SLIT1: variants seen among roughly 807,000 people sequenced by gnomAD.
SLIT1 encodes the protein slit guidance ligand 1, also known as slit homolog 1 protein.
Under a neutral mutation model 186.1 loss-of-function variants are expected in SLIT1, and 66 were observed. The observed-to-expected ratio is 0.35, with a 90% confidence interval of 0.29 to 0.44. SLIT1 has a LOEUF of 0.44. SLIT1 is among the 20% of genes least tolerant of loss of function. The pLI is 1.00. For synonymous variants in SLIT1, 761 were observed against 833.8 expected (o/e 0.91, Z 1.50); for missense variants, 1,638 against 2,037.4 (o/e 0.80, Z 3.77).
intron 23 of SLIT1, 127 bp downstream of exon 23, chr10:97,034,344 G>T: frequency 2.7e-6 from 2 of 739,084 alleles, no homozygotes. Flanking sequence ...CTCAGGCCCG[G>T]CACCCTCTCC....
chr10:97,048,569 A>G (rs1848756962), intron 14 of SLIT1, among the ~76,000 whole-genome samples: 1 of 152,066 alleles, frequency 6.6e-6, no homozygotes, highest in Admixed American at 6.6e-5. Flanking sequence ...CCTCAATAAA[A>G]TGAGGTGGGA....
At chr10:97,100,310 T>C (rs1016432638) in intron 4 of SLIT1, among the ~76,000 whole-genome samples, 15 of 152,212 alleles carry the variant, frequency 9.9e-5, no homozygotes, top group Middle Eastern at 3.4e-3. Context: ...CAGCAAGAGA[T>C]GCATTGATTG....
intron 4 of SLIT1, among the ~76,000 whole-genome samples, chr10:97,124,008 T>A (rs1314163279): frequency 6.6e-6 from 1 of 151,936 alleles, no homozygotes; most frequent in Non-Finnish European, 1.5e-5. Context: ...TAAACAGTAC[T>A]CTCTTCACAT....
chr10:97,051,055 G>A (rs756650508), intron 13 of SLIT1, among the ~76,000 whole-genome samples: 1 of 152,190 alleles, frequency 6.6e-6, no homozygotes, highest in Admixed American at 6.5e-5. Flanking sequence ...ATGTGGCCAC[G>A]CAGCTGCCTC....
chr10:97,031,117 G>C (rs545189871), intron 24 of SLIT1, among the ~76,000 whole-genome samples: 26 of 152,316 alleles, frequency 1.7e-4, no homozygotes, highest in South Asian at 4.1e-4. Flanking sequence ...GGACCCTAAG[G>C]GGGGAGGCGC....
chr10:97,077,795 T>C (rs970857563), intron 4 of SLIT1, among the ~76,000 whole-genome samples: 1 of 152,148 alleles, frequency 6.6e-6, no homozygotes, highest in Non-Finnish European at 1.5e-5. Context: ...CTGTGAGGTC[T>C]GGAGATTTTT....
At chr10:97,179,420 C>G (rs1850300635) in intron 1 of SLIT1, among the ~76,000 whole-genome samples, 1 of 152,068 alleles carries the variant, frequency 6.6e-6, no homozygotes, top group South Asian at 2.1e-4. Flanking sequence ...TAGTGAGATC[C>G]CGTCTCAAAA....
At position 97,043,550 on chromosome 10, in the gene SLIT1, C is replaced by T. The variant is rs201664376; in HGVS notation, c.1854-37G>A. On this transcript the variant is annotated intron_variant, in intron 18 of 36. Coordinates refer to ENST00000266058, the MANE Select transcript of SLIT1 (RefSeq NM_003061.3). The surrounding 1 kb of genome is among the most constrained non-coding windows in gnomAD (Gnocchi z 7.0). ...CGGGGGAGGGAGGAGGGGACCCTTG[C>T]TGCCCTGCCAGCCATCCACCTGGGC... 674 of 1,594,786 alleles carry T rather than the reference C, an allele frequency of 4.2e-4. 3 individuals carry two copies. In the African/African-American group the frequency reaches 8.2e-3, roughly 19 times the overall value.
intron 28 of SLIT1, among the ~76,000 whole-genome samples, chr10:97,017,580 T>G (rs1453328935): frequency 6.6e-6 from 1 of 152,016 alleles, no homozygotes; most frequent in Admixed American, 6.5e-5. Flanking sequence ...TAGCAGAAAA[T>G]GGGCTGCTCA....
intron 13 of SLIT1, among the ~76,000 whole-genome samples, chr10:97,054,391 T>C (rs11598263): frequency 0.83 from 125,981 of 151,746 alleles, 53,616 homozygotes; most frequent in East Asian, 0.93. Flanking sequence ...GTACACCCCA[T>C]GGAACTGTCA....
intron 4 of SLIT1, among the ~76,000 whole-genome samples, chr10:97,120,499 G>T (rs896008141): frequency 6.6e-6 from 1 of 152,230 alleles, no homozygotes. Context: ...TCAAGGACTT[G>T]TGTCGGGGTA....
intron 22 of SLIT1, 135 bp downstream of exon 22, chr10:97,037,563 C>T (rs970906888): frequency 8.8e-6 from 6 of 678,516 alleles, no homozygotes; most frequent in East Asian, 8.2e-5. Flanking sequence ...CACAGCTGTT[C>T]CCAGAGGGGA....
chr10:97,100,546 G>A (rs1849340272), intron 4 of SLIT1, among the ~76,000 whole-genome samples: 1 of 151,604 alleles, frequency 6.6e-6, no homozygotes, highest in African/African-American at 2.4e-5. Context: ...TGAAGCAGGA[G>A]AATCACTTTA....
Position 97,046,793 on chromosome 10 carries a change from G to A in SLIT1, c.1714C>T (p.Leu572=), listed in dbSNP as rs1373883627. The change falls in exon 18 of 37, where the codon CTG becomes TTG. Residue 572 remains leucine (L), a synonymous_variant. Transcript: ENST00000266058. ...ATTTCTGACACCTTGTTGTTGCTCA[G>A]ATTGCTGGGAGAAGAGGCGGGGGGA... is the stretch of plus-strand genomic sequence containing the variant. ...KKLTHLKKIN[L]SNNKVSEIED... is the part of the protein sequence containing the mutation. The A allele has an allele frequency of 1.9e-6, 3 of 1,611,908 alleles. No homozygotes were observed. Among genetic ancestry groups the A allele is most frequent in the South Asian group, 1.1e-5 (1 of 91,090 alleles).
chr10:97,066,421 G>C (rs971111299), intron 4 of SLIT1, among the ~76,000 whole-genome samples: 4 of 152,168 alleles, frequency 2.6e-5, no homozygotes, highest in African/African-American at 9.7e-5. Context: ...ATGTAGTTTG[G>C]ATATTTGGCC....
intron 4 of SLIT1, among the ~76,000 whole-genome samples, chr10:97,136,627 T>C (rs1439889543): frequency 6.6e-6 from 1 of 152,190 alleles, no homozygotes; most frequent in Non-Finnish European, 1.5e-5. Flanking sequence ...TGCCCGGCGT[T>C]TTATAGAGTA....
chr10:97,025,024 C>A (rs1283333771), intron 25 of SLIT1, among the ~76,000 whole-genome samples: 1 of 152,232 alleles, frequency 6.6e-6, no homozygotes, highest in East Asian at 1.9e-4. Context: ...AGTCCCAGCA[C>A]TTTGGGAGGC....
intron 12 of SLIT1, 115 bp from the exon 13 acceptor site, chr10:97,056,579 G>A (rs191454372): frequency 4.0e-5 from 46 of 1,149,976 alleles, no homozygotes; most frequent in African/African-American, 1.5e-4. Context: ...GGAGCCCATC[G>A]GAGCAGGCCC....
chr10:97,089,576 C>A (rs1849207721), intron 4 of SLIT1, among the ~76,000 whole-genome samples: 1 of 152,200 alleles, frequency 6.6e-6, no homozygotes, highest in Admixed American at 6.5e-5. Context: ...TGTGACTAAT[C>A]CCAGGCAGAG....
Sources: gnomAD v4.1 joint callset for allele counts (sites outside exome capture counted in the v4.1 genomes callset) on GRCh38, gnomAD v4.1.1 for gene constraint, Gnocchi (gnomAD v3.1) non-coding constraint, MANE v1.5 for transcripts, NCBI Gene and HGNC (gene_info 2026-07-23, HGNC 2026-07-21) for gene names.